SEC16A: variants seen among roughly 807,000 people sequenced by gnomAD.
The protein encoded by SEC16A is protein transport protein Sec16A.
A neutral mutation model predicts 221.9 loss-of-function variants in SEC16A; 110 were observed. The ratio of observed to expected loss-of-function variants is 0.50; its 90% confidence interval spans 0.42 to 0.58. The LOEUF (loss-of-function observed/expected upper bound fraction) is 0.58. Among genes scored for constraint, SEC16A ranks in the 20% least tolerant of loss-of-function variants. The pLI, the probability that SEC16A is intolerant of heterozygous loss-of-function variation, is 0.00. For missense variants in SEC16A, 3,165 were observed against 3,097.8 expected, an observed-to-expected ratio of 1.02 and a Z score of -0.52; for synonymous variants, 1,393 against 1,257.7, an observed-to-expected ratio of 1.11 and a Z score of -2.28.
At position 136,440,186 on chromosome 9, in the gene SEC16A, G is replaced by C. The variant is rs576951425; in HGVS notation, c.*1569C>G. On this transcript the variant is annotated 3_prime_UTR_variant, in exon 32 of 32. Coordinates refer to ENST00000684901, the MANE Select transcript of SEC16A (RefSeq NM_014866.2). ...GGAAAAATAGCCGCTCCCGCCTGGA[G>C]GAAGCTTCTTGAATCAAAAGTCGTG... 2 of 152,412 alleles carry C rather than the reference G, an allele frequency of 1.3e-5. No homozygotes were observed. Among genetic ancestry groups the C allele is most frequent in the Non-Finnish European group, 2.9e-5 (2 of 68,052 alleles). 9.4% of individuals were successfully genotyped at this position (152,412 alleles called of 1,614,324 possible). A position where few individuals can be genotyped will look rare whatever the true frequency, so the allele number is the denominator to read the frequency against.
At chr9:136,465,298 A>G (rs969787949) in intron 8 of SEC16A, among the ~76,000 whole-genome samples, 1 of 152,146 alleles carries the variant, frequency 6.6e-6, no homozygotes, top group African/African-American at 2.4e-5. Flanking sequence ...TAAAAATACA[A>G]AAATTAGCTG....
In SEC16A at chr9:136,466,132, T is replaced by G. The variant is rs766065503; in HGVS notation, c.4133A>C (p.Gln1378Pro). 23 of 1,591,386 alleles carry G rather than the reference T, an allele frequency of 1.4e-5. No individual in the cohort carries two copies. Among genetic ancestry groups the G allele is most frequent in the Non-Finnish European group, 2.0e-5 (23 of 1,167,338 alleles). ...AGCCACATTGTGGCTTCTGTAAATC[T>G]GACTCTTAGAAAACAAAGCAAACGG... ...SSLSSHSHQS[Q>P]IYRSHNVAAG... Residue 1378 changes from glutamine (Q) to proline (P), a missense_variant, in exon 8 of 32, where the codon CAG (glutamine) becomes CCG (proline). By Grantham distance (76) the Gln-to-Pro change is moderately conservative. Transcript: ENST00000684901. This position sits in a 1 kb window ranked among gnomAD's most constrained non-coding sequence, Gnocchi z 5.5.
Position 136,475,390 on chromosome 9 carries a change from A to G in SEC16A, c.2226T>C (p.Pro742=), listed in dbSNP as rs867324902. The G allele has an allele frequency of 1.9e-6, 3 of 1,609,776 alleles. No homozygotes were observed. The highest frequency in any genetic ancestry group is 1.7e-6 in the Non-Finnish European group (2 of 1,177,168). The change falls in exon 3 of 32, where the codon CCT becomes CCC. Residue 742 remains proline, a synonymous_variant. Coordinates refer to ENST00000684901, the MANE Select transcript of SEC16A (RefSeq NM_014866.2). This position sits in a 1 kb window ranked among gnomAD's most constrained non-coding sequence, Gnocchi z 5.0. ...PDFGGNVLLA[P]AAPALYVCAK... ...CACACACATAAAGCGCCGGGGCTGC[A>G]GGGGCCAGAAGGACGTTGCCTCCAA... is the stretch of plus-strand genomic sequence containing the variant.
chr9:136,451,767 T>A (rs1837853992), intron 22 of SEC16A, among the ~76,000 whole-genome samples: 1 of 152,218 alleles, frequency 6.6e-6, no homozygotes, highest in African/African-American at 2.4e-5. Context: ...ATGGGTGTTC[T>A]CAAAGATACA....
At position 136,475,073 on chromosome 9, in the gene SEC16A, G is replaced by C. The variant is rs1311395493; in HGVS notation, c.2543C>G (p.Ser848Cys). The C allele has an allele frequency of 3.7e-6, 6 of 1,613,716 alleles. No individual in the cohort carries two copies. Among genetic ancestry groups the C allele is most frequent in the Admixed American group, 1.7e-5 (1 of 59,970 alleles). ...NLAQPINFSV[S>C]LSNSHEKNQS... ...ATTCTTCTCATGAGAGTTCGATAAGGACACAGAAAAGTTAATGGGCTGAGC... is the reference window on the plus strand; with the variant it reads ...ATTCTTCTCATGAGAGTTCGATAAGCACACAGAAAAGTTAATGGGCTGAGC... The change falls in exon 3 of 32, where the codon TCC becomes TGC. Residue 848 changes from serine to cysteine, a missense_variant. Physicochemically the swap from Ser to Cys is moderately radical, Grantham distance 112. Around this residue, in one of 3 missense-constraint regions of SEC16A, gnomAD observed 2,030 missense variants for 1,923.1 expected, o/e 1.06. Coordinates refer to ENST00000684901, the MANE Select transcript of SEC16A (RefSeq NM_014866.2). The surrounding 1 kb of genome is among the most constrained non-coding windows in gnomAD (Gnocchi z 5.0).
At chr9:136,472,693 G>A (rs1841037611) in intron 3 of SEC16A, among the ~76,000 whole-genome samples, 1 of 152,220 alleles carries the variant, frequency 6.6e-6, no homozygotes. Flanking sequence ...TCCCAACGGG[G>A]CCCATGTGGA....
At position 136,476,332 on chromosome 9, in the gene SEC16A, G is replaced by GAGAAGGGCCTGGC; in HGVS notation, c.1271_1283dup (p.Asn433ProfsTer6). 1 of 1,612,870 alleles carries GAGAAGGGCCTGGC rather than the reference G, an allele frequency of 6.2e-7. No homozygotes were observed. The highest frequency in any genetic ancestry group is 8.5e-7 in the Non-Finnish European group (1 of 1,179,902). On this transcript the variant is annotated frameshift_variant, in exon 3 of 32. Coordinates refer to ENST00000684901, the MANE Select transcript of SEC16A (RefSeq NM_014866.2). LOFTEE classifies it high-confidence loss of function. ...CAGCAGCCTCATTGCTGGGGCCTGG[G>GAGAAGGGCCTGGC]AGAAGGGCCTGGCAGAGGCTGCCTG... is the stretch of plus-strand genomic sequence containing the variant.
chr9:136,452,537 G>C (rs889127856), intron 22 of SEC16A, among the ~76,000 whole-genome samples: 1 of 150,712 alleles, frequency 6.6e-6, no homozygotes, highest in African/African-American at 2.4e-5. Flanking sequence ...GGCTGAGGCA[G>C]GCAGATCACT....
Position 136,456,130 on chromosome 9 carries a change from T to G in SEC16A, c.5587A>C (p.Lys1863Gln). Residue 1863 changes from lysine to glutamine, a missense_variant, in exon 19 of 32, where the codon AAA becomes CAA. Physicochemically the swap from Lys to Gln is moderately conservative, Grantham distance 53. This residue lies in a region of SEC16A where 1,088 missense variants were observed against 1,089.6 expected (regional missense o/e 1.00). Coordinates refer to ENST00000684901, the MANE Select transcript of SEC16A (RefSeq NM_014866.2). The stretch of plus-strand genomic sequence containing the variant: ...AAGGACTCCTCTTCTGGCTTCTCTT[T>G]CAGCTGGGGATCGAAGAGTCGTAAC... ...SQLRLFDPQLKEKPEEESLAA... is the reference protein window; with the variant it reads ...SQLRLFDPQLQEKPEEESLAA... 2 of 1,612,552 alleles carry G rather than the reference T, an allele frequency of 1.2e-6. No homozygotes were observed. The highest frequency in any genetic ancestry group is 2.2e-5 in the South Asian group (2 of 91,024).
upstream of SEC16A, chr9:136,483,143 GTT>G (rs1842631893): frequency 2.0e-5 from 9 of 455,244 alleles, no homozygotes; most frequent in Admixed American, 6.2e-4. Context: ...GCCCAGACGC[GTT>G]CTCTTTCAGC....
Position 136,476,634 on chromosome 9 carries a change from G to A in SEC16A, c.982C>T (p.Arg328Trp), listed in dbSNP as rs780590882. ...GGGTTCACAAGAGCAGAGGCGGGCC[G>A]GTGCTCATTCTTCACTCCTGGATTC... ...RQNPGVKNEH[R>W]PASALVNPLA... The change falls in exon 3 of 32, where the codon CGG (arginine) becomes TGG (tryptophan). Residue 328 changes from arginine (R) to tryptophan (W), a missense_variant. Transcript: ENST00000684901. 16 of 1,579,720 alleles carry A rather than the reference G, an allele frequency of 1.0e-5. No individual in the cohort carries two copies. The highest frequency in any genetic ancestry group is 2.3e-5 in the South Asian group (2 of 85,540).
At position 136,447,593 on chromosome 9, in the gene SEC16A, C is replaced by T. The variant is rs750782509; in HGVS notation, c.6535G>A (p.Val2179Met). The change falls in exon 26 of 32, where the codon GTG (valine) becomes ATG (methionine). Residue 2179 changes from valine (V) to methionine (M), a missense_variant. Val to Met is a conservative substitution (Grantham distance 21). This residue lies in a region of SEC16A where 1,088 missense variants were observed against 1,089.6 expected (regional missense o/e 1.00). Transcript: ENST00000684901. This position sits in a 1 kb window ranked among gnomAD's most constrained non-coding sequence, Gnocchi z 5.5. Reference sequence around the variant, plus strand: ...CCTGCTCTTCTAGAGTACATGTTCACGGGGGCTCCAGGAGGCCCTGGGAGG... The same window carrying T: ...CCTGCTCTTCTAGAGTACATGTTCATGGGGGCTCCAGGAGGCCCTGGGAGG... ...PALPGPPGAP[V>M]NMYSRRAAGT... 17 of 1,613,532 alleles carry T rather than the reference C, an allele frequency of 1.1e-5. No homozygotes were observed. The highest frequency in any genetic ancestry group is 4.5e-5 in the East Asian group (2 of 44,894).
chr9:136,447,024 G>A lies in SEC16A; in HGVS notation c.6698-75C>T. 4 of 1,605,484 alleles carry A rather than the reference G, an allele frequency of 2.5e-6. No individual in the cohort carries two copies. Among genetic ancestry groups the A allele is most frequent in the Admixed American group, 1.7e-5 (1 of 58,108 alleles). On this transcript the variant is annotated intron_variant, in intron 27 of 31. Transcript: ENST00000684901. This position sits in a 1 kb window ranked among gnomAD's most constrained non-coding sequence, Gnocchi z 5.5. Reference sequence around the variant, plus strand: ...GGGTCTCACTGAAGACACTCCGAGAGGAAGAGAGTTTCACACTGCACACGC... The same window carrying A: ...GGGTCTCACTGAAGACACTCCGAGAAGAAGAGAGTTTCACACTGCACACGC...
chr9:136,461,121 G>A, intron 13 of SEC16A, 56 bp downstream of exon 13: 10 of 1,394,728 alleles, frequency 7.2e-6, no homozygotes, highest in Middle Eastern at 1.9e-4. Flanking sequence ...CGGACGCCGC[G>A]TGCTACAGGG....
chr9:136,472,221 C>T, intron 3 of SEC16A, 110 bp from the exon 4 acceptor site: 1 of 1,295,894 alleles, frequency 7.7e-7, no homozygotes, highest in South Asian at 1.3e-5. Flanking sequence ...TAGATACCTA[C>T]CAAGAGCAAG....
chr9:136,452,292 C>CA (rs199829344), intron 22 of SEC16A, among the ~76,000 whole-genome samples: 4,212 of 144,990 alleles, frequency 0.029, 85 homozygotes, highest in Non-Finnish European at 0.045. Context: ...ACTAAAAATA[C>CA]AAAAAAAAAT....
At position 136,454,237 on chromosome 9, in the gene SEC16A, C is replaced by G; in HGVS notation, c.5948G>C (p.Gly1983Ala). Residue 1983 changes from glycine to alanine, a missense_variant, in exon 21 of 32, where the codon GGT (glycine) becomes GCT (alanine). Around this residue, in one of 3 missense-constraint regions of SEC16A, gnomAD observed 1,088 missense variants for 1,089.6 expected, o/e 1.00. Coordinates refer to ENST00000684901, the MANE Select transcript of SEC16A (RefSeq NM_014866.2). ...VPLPPGPLEP[G>A]PGCVTPGPAL... ...AGGCCCTGGGGTCACACAGCCAGGA[C>G]CCGGCTCCAGGGGCCCCGGGGGCAG... The G allele has an allele frequency of 1.9e-6, 3 of 1,573,504 alleles. No homozygotes were observed. Among genetic ancestry groups the G allele is most frequent in the South Asian group, 2.3e-5 (2 of 85,714 alleles).
chr9:136,458,130 ATT>A (rs1222002410), intron 17 of SEC16A, among the ~76,000 whole-genome samples: 37 of 116,190 alleles, frequency 3.2e-4, no homozygotes, highest in Admixed American at 8.0e-4. Context: ...TAATTTTTGT[ATT>A]TTTTTTTTTT....
intron 3 of SEC16A, 122 bp from the exon 4 acceptor site, chr9:136,472,233 T>A (rs1840973905): frequency 8.7e-7 from 1 of 1,144,202 alleles, no homozygotes; most frequent in South Asian, 1.4e-5. Flanking sequence ...AAGAGCAAGC[T>A]CGTCCAACAA....
Sources: gnomAD v4.1 joint callset for allele counts (sites outside exome capture counted in the v4.1 genomes callset) on GRCh38, gnomAD v4.1.1 for gene constraint, gnomAD v4.1.1 regional missense constraint, Gnocchi (gnomAD v3.1) non-coding constraint, MANE v1.5 for transcripts, NCBI Gene and HGNC (gene_info 2026-07-23, HGNC 2026-07-21) for gene names.